The following XPR1 variants were observed in gnomAD, a reference collection of about 807,000 sequenced individuals.
XPR1 encodes the protein solute carrier family 53 member 1.
A neutral mutation model predicts 87.5 loss-of-function variants in XPR1; 28 were observed. The observed-to-expected ratio is 0.32, with a 90% CI of 0.24 to 0.44. The LOEUF (loss-of-function observed/expected upper bound fraction) is 0.44. XPR1 is among the 20% of genes least tolerant of loss of function. XPR1 has a pLI of 1.00. For missense variants in XPR1, 559 were observed against 862.3 expected (o/e 0.65, Z 4.41); for synonymous variants, 300 against 306.1 (o/e 0.98, Z 0.21).
chr1:180,660,759 G>T (rs1035458458), intron 1 of XPR1, among the ~76,000 whole-genome samples: 2 of 144,260 alleles, frequency 1.4e-5, no homozygotes, highest in African/African-American at 5.1e-5. Context: ...TTATTTTGTG[G>T]CCTAACATAT....
At chr1:180,851,363 A>G (rs533817608) in intron 11 of XPR1, among the ~76,000 whole-genome samples, 6 of 152,258 alleles carry the variant, frequency 3.9e-5, no homozygotes, top group Admixed American at 3.9e-4. Context: ...GGTGTGGTGG[A>G]GGAGTAGAGG....
chr1:180,683,357 G>C (rs1392394640), intron 2 of XPR1, among the ~76,000 whole-genome samples: 2 of 150,726 alleles, frequency 1.3e-5, no homozygotes, highest in African/African-American at 5.0e-5. Flanking sequence ...TCTTAATCCA[G>C]TCTATTGTTG....
chr1:180,872,661 C>T (rs1431367976), intron 12 of XPR1, among the ~76,000 whole-genome samples: 2 of 134,526 alleles, frequency 1.5e-5, no homozygotes, highest in African/African-American at 5.7e-5. Flanking sequence ...GGCAATGCCT[C>T]GCCCTGCTTC....
chr1:180,813,370 C>T (rs142748720), intron 7 of XPR1, among the ~76,000 whole-genome samples: 105 of 152,272 alleles, frequency 6.9e-4, no homozygotes, highest in Middle Eastern at 3.4e-3. Flanking sequence ...CTTAGTAAAG[C>T]GTTCCCTGAT....
intron 3 of XPR1, among the ~76,000 whole-genome samples, chr1:180,790,777 G>A (rs961090532): frequency 1.3e-5 from 2 of 152,026 alleles, no homozygotes; most frequent in Non-Finnish European, 1.5e-5. Flanking sequence ...TCCTGACCTC[G>A]TGATCCGCCT....
intron 7 of XPR1, among the ~76,000 whole-genome samples, chr1:180,819,213 C>T (rs543530142): frequency 6.6e-6 from 1 of 152,312 alleles, no homozygotes; most frequent in Admixed American, 6.5e-5. Context: ...TTTGGCCTCC[C>T]AAAACACTGG....
chr1:180,656,383 T>TTATA (rs1655474884), intron 1 of XPR1, among the ~76,000 whole-genome samples: 2 of 102,290 alleles, frequency 2.0e-5, no homozygotes, highest in East Asian at 2.5e-4. Flanking sequence ...TATATAATAT[T>TTATA]CATGTATTTA....
At chr1:180,696,357 G>GT (rs893415364) in intron 2 of XPR1, among the ~76,000 whole-genome samples, 145 of 151,676 alleles carry the variant, frequency 9.6e-4, no homozygotes, top group African/African-American at 3.3e-3. Context: ...CTTCTAAGAG[G>GT]TTTTTTTGGT....
chr1:180,773,686 C>T (rs1309211218), intron 2 of XPR1, among the ~76,000 whole-genome samples: 2 of 151,822 alleles, frequency 1.3e-5, no homozygotes, highest in African/African-American at 2.4e-5. Context: ...TTGAAATACT[C>T]AGGATTACTT....
At position 180,676,848 on chromosome 1, in the gene XPR1, AAATGT is replaced by A. The variant is rs908810526; in HGVS notation, c.70-5498_70-5494del. ...ACATGTTTAAGAATGTGATCTTAGA[AAATGT>A]AATGTAATGTAATCTTAGAAAAGAT... On this transcript the variant is annotated intron_variant, in intron 1 of 14. Coordinates refer to ENST00000367590, the MANE Select transcript of XPR1 (RefSeq NM_004736.4). 2.6e-4 allele frequency among the ~76,000 whole-genome samples: 39 copies of A among 152,348 alleles called. 1 individual carries two copies. The highest frequency in any genetic ancestry group is 1.9e-3 in the East Asian group (10 of 5,186).
chr1:180,669,088 TAAA>T (rs747188399), intron 1 of XPR1, among the ~76,000 whole-genome samples: 7 of 111,810 alleles, frequency 6.3e-5, no homozygotes, highest in Admixed American at 9.5e-5. Flanking sequence ...AAACTCTGTC[TAAA>T]AAAAAAAAAA....
At chr1:180,676,257 A>G (rs1656366897) in intron 1 of XPR1, among the ~76,000 whole-genome samples, 1 of 152,204 alleles carries the variant, frequency 6.6e-6, no homozygotes, top group Non-Finnish European at 1.5e-5. Context: ...TTGAGCGCCT[A>G]CTGTGTATAA....
intron 2 of XPR1, among the ~76,000 whole-genome samples, chr1:180,757,365 C>G (rs753614430): frequency 1.9e-4 from 29 of 152,200 alleles, no homozygotes; most frequent in Non-Finnish European, 3.5e-4. Flanking sequence ...TTGGAAACAA[C>G]TTTTTAGATT....
chr1:180,717,460 T>C (rs2101992624), intron 2 of XPR1, among the ~76,000 whole-genome samples: 1 of 152,280 alleles, frequency 6.6e-6, no homozygotes, highest in African/African-American at 2.4e-5. Flanking sequence ...TTGAACAACT[T>C]ATAACCAAAG....
intron 2 of XPR1, among the ~76,000 whole-genome samples, chr1:180,706,113 A>G (rs147624241): frequency 1.2e-3 from 185 of 152,356 alleles, no homozygotes; most frequent in African/African-American, 4.1e-3. Context: ...TGTATGGATA[A>G]AGCCAGCTTC....
intron 2 of XPR1, among the ~76,000 whole-genome samples, chr1:180,721,579 A>T (rs1658181336): frequency 6.6e-6 from 1 of 152,168 alleles, no homozygotes. Flanking sequence ...TATATGTAAA[A>T]CATGTCTTTC....
chr1:180,806,035 A>C, intron 4 of XPR1, 27 bp from the exon 5 acceptor site: 1 of 1,605,856 alleles, frequency 6.2e-7, no homozygotes, highest in Non-Finnish European at 8.5e-7. Flanking sequence ...TAGAAATTAT[A>C]GTTGTGTTTC....
chr1:180,697,342 A>G (rs945902565), intron 2 of XPR1, among the ~76,000 whole-genome samples: 13 of 151,810 alleles, frequency 8.6e-5, no homozygotes, highest in African/African-American at 2.2e-4. Context: ...CTAATTTTAT[A>G]TGGGTCTTCT....
chr1:180,761,780 C>G (rs905370677), intron 2 of XPR1, among the ~76,000 whole-genome samples: 2 of 152,078 alleles, frequency 1.3e-5, no homozygotes, highest in African/African-American at 4.8e-5. Flanking sequence ...GGTATATACC[C>G]AAAGGATTAT....
Sources: gnomAD v4.1 joint callset for allele counts (sites outside exome capture counted in the v4.1 genomes callset) on GRCh38, gnomAD v4.1.1 for gene constraint, MANE v1.5 for transcripts, NCBI Gene and HGNC (gene_info 2026-07-23, HGNC 2026-07-21) for gene names.